Variants in TBC1D32 observed in about 807,000 individuals in gnomAD.
TBC1D32 encodes protein broad-minded.
TBC1D32 carries 151 observed loss-of-function variants against 170.3 expected under a neutral mutation model. That is an observed-to-expected ratio of 0.89 (90% CI 0.78 to 1.01). The LOEUF is 1.01. Among genes scored for constraint, TBC1D32 ranks in the 50% least tolerant of loss-of-function variants. The pLI is 0.00. For missense variants in TBC1D32, 1,464 were observed against 1,457.1 expected, an observed-to-expected ratio of 1.00 and a Z score of -0.08; for synonymous variants, 498 against 488.0, an observed-to-expected ratio of 1.02 and a Z score of -0.27.
intron 12 of TBC1D32, among the ~76,000 whole-genome samples, chr6:121,288,569 G>C (rs1324432065): frequency 6.6e-6 from 1 of 152,146 alleles, no homozygotes; most frequent in Non-Finnish European, 1.5e-5. Flanking sequence ...AATTCTACCA[G>C]AGGTACAAGG....
At chr6:121,316,954 G>A (rs1809018130) in intron 3 of TBC1D32, among the ~76,000 whole-genome samples, 1 of 151,990 alleles carries the variant, frequency 6.6e-6, no homozygotes, top group Non-Finnish European at 1.5e-5. Flanking sequence ...TCTTCTATTA[G>A]GGCCAATCCA....
At chr6:121,230,912 A>AGT (rs1320500786) in intron 20 of TBC1D32, among the ~76,000 whole-genome samples, 2 of 152,064 alleles carry the variant, frequency 1.3e-5, no homozygotes, top group Non-Finnish European at 2.9e-5. Flanking sequence ...CCCTGTACCC[A>AGT]GTGTGTAGTC....
At chr6:121,112,998 T>C in intron 28 of TBC1D32, 64 bp downstream of exon 28, 1 of 1,230,070 alleles carries the variant, frequency 8.1e-7, no homozygotes, top group Admixed American at 2.1e-5. Flanking sequence ...AGGTATATCA[T>C]CAAAGAATCA....
intron 22 of TBC1D32, among the ~76,000 whole-genome samples, chr6:121,191,142 C>T (rs1789954543): frequency 2.0e-5 from 3 of 151,934 alleles, no homozygotes; most frequent in Admixed American, 2.0e-4. Flanking sequence ...TACATATATA[C>T]ATATATTTGG....
intron 2 of TBC1D32, 66 bp from the exon 3 acceptor site, chr6:121,317,738 A>C: frequency 8.5e-7 from 1 of 1,172,674 alleles, no homozygotes; most frequent in Non-Finnish European, 1.2e-6. Flanking sequence ...AACTAGTTAA[A>C]TTATCTAATT....
intron 10 of TBC1D32, among the ~76,000 whole-genome samples, chr6:121,296,875 G>A (rs971151799): frequency 7.9e-5 from 12 of 151,946 alleles, no homozygotes; most frequent in Non-Finnish European, 1.6e-4. Flanking sequence ...ACAATAGTCC[G>A]CTTCTTTAAC....
At chr6:121,101,074 CT>C (rs1333302035) in intron 30 of TBC1D32, among the ~76,000 whole-genome samples, 3 of 152,022 alleles carry the variant, frequency 2.0e-5, no homozygotes, top group Non-Finnish European at 4.4e-5. Context: ...ATAACGGGCT[CT>C]GAAATTGAGG....
chr6:121,162,904 CA>C (rs1387752069), intron 22 of TBC1D32: 1 of 112,980 alleles, frequency 8.9e-6, no homozygotes, highest in East Asian at 2.6e-4. Flanking sequence ...GGCATTGCCT[CA>C]CCTGGGAAGC....
At chr6:121,260,461 T>C (rs1799607793) in intron 15 of TBC1D32, among the ~76,000 whole-genome samples, 1 of 151,690 alleles carries the variant, frequency 6.6e-6, no homozygotes, top group Non-Finnish European at 1.5e-5. Flanking sequence ...GGTATCCAGG[T>C]TTTATCATCA....
At chr6:121,093,171 A>C (rs1433668182) in intron 30 of TBC1D32, among the ~76,000 whole-genome samples, 1 of 152,186 alleles carries the variant, frequency 6.6e-6, no homozygotes, top group Non-Finnish European at 1.5e-5. Flanking sequence ...ACTTGGAATT[A>C]ATAGGATGCA....
Position 121,256,020 on chromosome 6 carries a change from T to A in TBC1D32, c.1935+64A>T, listed in dbSNP as rs544831570. ...ATATTTCATCCAAAGTACAACACTATAATGGTGCTTATATTTGAAATAAAG... is the reference window on the plus strand; with the variant it reads ...ATATTTCATCCAAAGTACAACACTAAAATGGTGCTTATATTTGAAATAAAG... On this transcript the variant is annotated intron_variant, in intron 16 of 31. Transcript: ENST00000398212. The A allele has an allele frequency of 4.0e-5, 55 of 1,388,522 alleles. No homozygotes were observed. The South Asian group carries it at 6.6e-4, about 17-fold the overall frequency. The allele number at this position is 1,388,522 out of a possible 1,614,324, so 86.0% of individuals were successfully genotyped here.
At chr6:121,265,233 A>G (rs1800312915) in intron 15 of TBC1D32, among the ~76,000 whole-genome samples, 2 of 152,184 alleles carry the variant, frequency 1.3e-5, no homozygotes, top group Admixed American at 1.3e-4. Flanking sequence ...ATATAAAATC[A>G]ATGTGCAAAA....
intron 22 of TBC1D32, among the ~76,000 whole-genome samples, chr6:121,201,207 GGTTGA>G (rs1791511849): frequency 6.7e-6 from 1 of 149,044 alleles, no homozygotes; most frequent in Non-Finnish European, 1.5e-5. Flanking sequence ...AATAAATACT[GGTTGA>G]GTAAATATAG....
intron 1 of TBC1D32, 47 bp downstream of exon 1, chr6:121,334,229 C>CT: frequency 6.4e-7 from 1 of 1,550,902 alleles, no homozygotes; most frequent in Non-Finnish European, 8.9e-7. Flanking sequence ...TCTGGACCCT[C>CT]TCTGGATCGA....
At chr6:121,299,371 G>A (rs1806120785) in intron 10 of TBC1D32, 75 bp downstream of exon 10, 5 of 1,395,560 alleles carry the variant, frequency 3.6e-6, no homozygotes, top group Non-Finnish European at 4.8e-6. Context: ...ACACAACTTT[G>A]CATAGTCAAG....
intron 22 of TBC1D32, among the ~76,000 whole-genome samples, chr6:121,198,546 T>C (rs1791128986): frequency 6.6e-6 from 1 of 150,534 alleles, no homozygotes; most frequent in South Asian, 2.1e-4. Context: ...GCTCAGGAGA[T>C]GGAGACCATC....
chr6:121,196,316 C>T (rs548573034), intron 22 of TBC1D32, among the ~76,000 whole-genome samples: 33 of 152,308 alleles, frequency 2.2e-4, no homozygotes, highest in African/African-American at 1.7e-4. Flanking sequence ...GACCTGGCTA[C>T]GGCCACTGCT....
chr6:121,235,160 T>G (rs921891984), intron 20 of TBC1D32, among the ~76,000 whole-genome samples: 2 of 152,164 alleles, frequency 1.3e-5, no homozygotes, highest in Non-Finnish European at 2.9e-5. Context: ...TTGTTTAGTG[T>G]GCTGGTTTTG....
At position 121,198,260 on chromosome 6, in the gene TBC1D32, A is replaced by AAT. The variant is rs1186060080; in HGVS notation, c.2570+6813_2570+6814dup. 4.2e-4 allele frequency among the ~76,000 whole-genome samples: 58 copies of AAT among 139,684 alleles called. 2 individuals carry two copies. Among genetic ancestry groups the AAT allele is most frequent in the African/African-American group, 1.1e-3 (42 of 37,208 alleles). The allele number at this position is 139,684 out of a possible 152,430, so 91.6% of individuals were successfully genotyped here. ...AAATATATATATTATATATATATAT[A>AAT]ATATATATATATAATATACACACAC... On this transcript the variant is annotated intron_variant, in intron 22 of 31. Coordinates refer to ENST00000398212, the MANE Select transcript of TBC1D32 (RefSeq NM_152730.6).
Sources: allele counts gnomAD v4.1 joint callset (sites outside exome capture counted in the v4.1 genomes callset), GRCh38; gene constraint gnomAD v4.1.1; transcripts MANE v1.5; gene names NCBI Gene and HGNC (gene_info 2026-07-23, HGNC 2026-07-21).